ORMDL1: variants seen among roughly 807,000 people sequenced by gnomAD.
The protein encoded by ORMDL1 is ORMDL sphingolipid biosynthesis regulator 1.
Under a neutral mutation model 13.0 loss-of-function variants are expected in ORMDL1, and 10 were observed. The ratio of observed to expected loss-of-function variants is 0.77; its 90% CI spans 0.47 to 1.30. The LOEUF is 1.30. Among genes scored for constraint, ORMDL1 ranks in the 50% most tolerant of loss-of-function variants. The probability of loss-of-function intolerance (pLI) is 0.00; values close to 1 mark genes in which losing one functional copy is unlikely to be tolerated. For synonymous variants in ORMDL1, 61 were observed against 63.9 expected (o/e 0.95, Z 0.22); for missense variants, 171 against 186.7 (o/e 0.92, Z 0.49).
downstream of ORMDL1, among the ~76,000 whole-genome samples, chr2:189,768,585 A>G (rs1296620203): frequency 6.6e-6 from 1 of 152,242 alleles, no homozygotes; most frequent in Non-Finnish European, 1.5e-5. Context: ...TCAATTTCAT[A>G]TGTGAAGGGT....
chr2:189,766,545 T>C (rs1289075076), downstream of ORMDL1, among the ~76,000 whole-genome samples: 3 of 152,024 alleles, frequency 2.0e-5, no homozygotes, highest in Non-Finnish European at 4.4e-5. Context: ...CTGGCCAACA[T>C]GATGGCCATC....
At chr2:189,777,173 T>C (rs1363836874) in intron 3 of ORMDL1, among the ~76,000 whole-genome samples, 1 of 152,214 alleles carries the variant, frequency 6.6e-6, no homozygotes, top group Non-Finnish European at 1.5e-5. Context: ...GTTAGAGTTG[T>C]TTGCATGATG....
At position 189,771,824 on chromosome 2, in the gene ORMDL1, T is replaced by G. The variant is rs1281568031; in HGVS notation, c.405A>C (p.Leu135=). ...CATGTAGTTGTGGCATTTTGGGAAT[T>G]AGTACACTCAGGAGAGAAGCTGTGT... is the stretch of plus-strand genomic sequence containing the variant. ...ILNTASLLSV[L]IPKMPQLHGV... The change falls in exon 5 of 5, where the codon CTA becomes CTC. Residue 135 remains leucine (L), a synonymous_variant. Transcript: ENST00000392349. 6.2e-7 allele frequency: 1 copy of G among 1,611,868 alleles called. No homozygotes were observed. The highest frequency in any genetic ancestry group is 8.5e-7 in the Non-Finnish European group (1 of 1,178,614).
intron 3 of ORMDL1, among the ~76,000 whole-genome samples, chr2:189,781,413 G>A (rs1352188332): frequency 6.6e-6 from 1 of 151,974 alleles, no homozygotes; most frequent in Admixed American, 6.6e-5. Flanking sequence ...TCGCTGTCAA[G>A]ATTTTTTGTT....
intron 3 of ORMDL1, among the ~76,000 whole-genome samples, chr2:189,777,298 G>C (rs577094516): frequency 3.8e-4 from 58 of 152,136 alleles, no homozygotes; most frequent in Non-Finnish European, 5.7e-4. Context: ...ACGCCAAGGA[G>C]TATTTATTCT....
chr2:189,772,069 T>G (rs1158744739), intron 4 of ORMDL1, among the ~76,000 whole-genome samples, 167 bp from the exon 5 acceptor site: 1 of 152,220 alleles, frequency 6.6e-6, no homozygotes, highest in African/African-American at 2.4e-5. Context: ...CAAGTTTATC[T>G]CATTAGGAAC....
intron 3 of ORMDL1, 108 bp from the exon 4 acceptor site, chr2:189,775,824 C>G: frequency 9.3e-7 from 1 of 1,080,442 alleles, no homozygotes; most frequent in Non-Finnish European, 1.3e-6. Flanking sequence ...TGTGATTTAA[C>G]TGAGTTCGTT....
At chr2:189,769,516 C>G (rs2047536689), downstream of ORMDL1, among the ~76,000 whole-genome samples, 1 of 152,078 alleles carries the variant, frequency 6.6e-6, no homozygotes, top group African/African-American at 2.4e-5. Context: ...ATTATTATGC[C>G]TCTTAGGATC....
At chr2:189,780,903 A>G (rs1365096224) in intron 3 of ORMDL1, among the ~76,000 whole-genome samples, 1 of 152,170 alleles carries the variant, frequency 6.6e-6, no homozygotes, top group Non-Finnish European at 1.5e-5. Context: ...ATACTCCAGA[A>G]GATAGAAAAT....
intron 3 of ORMDL1, among the ~76,000 whole-genome samples, chr2:189,781,109 T>C (rs886740630): frequency 6.6e-6 from 1 of 152,062 alleles, no homozygotes; most frequent in African/African-American, 2.4e-5. Context: ...AGAGACAGAA[T>C]TTCAGGCTTC....
At chr2:189,777,335 T>C (rs2106149999) in intron 3 of ORMDL1, among the ~76,000 whole-genome samples, 1 of 152,160 alleles carries the variant, frequency 6.6e-6, no homozygotes, top group Middle Eastern at 3.4e-3. Context: ...CATTTTCATA[T>C]GGACTTTAAA....
At chr2:189,764,614 T>G in the ORMDL1 span, among the ~76,000 whole-genome samples, 1 of 152,228 alleles carries the variant, frequency 6.6e-6, no homozygotes, top group African/African-American at 2.4e-5. Flanking sequence ...AAGGCATGTA[T>G]GCTCTCTGAG....
downstream of ORMDL1, among the ~76,000 whole-genome samples, chr2:189,766,277 TG>T (rs1321390715): frequency 6.6e-6 from 1 of 152,246 alleles, no homozygotes; most frequent in East Asian, 1.9e-4. Flanking sequence ...TTAACTTTTC[TG>T]AACTTTATTG....
intron 3 of ORMDL1, among the ~76,000 whole-genome samples, chr2:189,777,289 C>T (rs1189926027): frequency 6.6e-6 from 1 of 152,150 alleles, no homozygotes; most frequent in Non-Finnish European, 1.5e-5. Flanking sequence ...GATGACATTA[C>T]GCCAAGGAGT....
downstream of ORMDL1, among the ~76,000 whole-genome samples, chr2:189,767,821 AC>A (rs2106134202): frequency 6.6e-6 from 1 of 152,290 alleles, no homozygotes; most frequent in South Asian, 2.1e-4. Flanking sequence ...TACACTGAAA[AC>A]CCAACTTTTT....
intron 3 of ORMDL1, among the ~76,000 whole-genome samples, chr2:189,777,840 T>G (rs940196827): frequency 2.6e-5 from 4 of 152,200 alleles, no homozygotes; most frequent in African/African-American, 9.7e-5. Flanking sequence ...ATACTGTATT[T>G]TTCTAACCGG....
chr2:189,763,993 C>T, the ORMDL1 span: 1 of 152,172 alleles, frequency 6.6e-6, no homozygotes, highest in Admixed American at 6.5e-5. Flanking sequence ...GAAATAGTTT[C>T]TGTCCTCATT....
At chr2:189,765,795 T>C (rs901028239), downstream of ORMDL1, among the ~76,000 whole-genome samples, 1 of 152,094 alleles carries the variant, frequency 6.6e-6, no homozygotes, top group African/African-American at 2.4e-5. Context: ...TTACATTCTT[T>C]GACTTGGCTA....
chr2:189,765,430 T>G (rs1371223184), downstream of ORMDL1: 3 of 152,218 alleles, frequency 2.0e-5, no homozygotes, highest in African/African-American at 7.2e-5. Flanking sequence ...GTGTGATTAC[T>G]TGAGTTTCAA....
Sources: allele counts gnomAD v4.1 joint callset (sites outside exome capture counted in the v4.1 genomes callset), GRCh38; gene constraint gnomAD v4.1.1; transcripts MANE v1.5; gene names NCBI Gene and HGNC (gene_info 2026-07-23, HGNC 2026-07-21).